The following ABCE1 variants were observed in gnomAD, a reference collection of about 807,000 sequenced individuals.
ABCE1 encodes ATP-binding cassette sub-family E member 1.
A neutral mutation model predicts 83.4 loss-of-function variants in ABCE1; 22 were observed. That is an observed-to-expected ratio of 0.26 (90% CI 0.19 to 0.38). ABCE1 has a LOEUF of 0.38. ABCE1 is among the 10% of genes least tolerant of loss of function. The pLI, the probability that ABCE1 is intolerant of heterozygous loss-of-function variation, is 1.00. For synonymous variants in ABCE1, 204 were observed against 233.7 expected, an observed-to-expected ratio of 0.87 and a Z score of 1.16; for missense variants, 330 against 721.9, an observed-to-expected ratio of 0.46 and a Z score of 6.22.
chr4:145,122,817 A>G lies in ABCE1; in HGVS notation c.1264-204A>G, dbSNP rs1749780018. 2.8e-5 allele frequency: 13 copies of G among 469,832 alleles called. No individual in the cohort carries two copies. In the East Asian group the frequency reaches 4.6e-4, roughly 17 times the overall value. The allele number at this position is 469,832 out of a possible 1,614,324, so 29.1% of individuals were successfully genotyped here. Reference sequence around the variant, plus strand: ...GCAAGACCCTGTCTCAAAAGAAAAAAAAAAATTCCTTTTTACTTGTTGGAC... The same window carrying G: ...GCAAGACCCTGTCTCAAAAGAAAAAGAAAAATTCCTTTTTACTTGTTGGAC... On this transcript the variant is annotated intron_variant, in intron 13 of 17. Transcript: ENST00000296577.
intron 4 of ABCE1, 67 bp downstream of exon 4, chr4:145,108,179 G>A: frequency 7.1e-7 from 1 of 1,411,412 alleles, no homozygotes; most frequent in South Asian, 1.2e-5. Flanking sequence ...GATTTTAAGA[G>A]AAGTGCAGAA....
chr4:145,105,469 G>C (rs959897084), intron 2 of ABCE1, 136 bp from the exon 3 acceptor site: 1 of 579,338 alleles, frequency 1.7e-6, no homozygotes, highest in African/African-American at 1.9e-5. Context: ...TATCTCAAAT[G>C]TATTTCTTTG....
intron 3 of ABCE1, 115 bp from the exon 4 acceptor site, chr4:145,107,900 A>G: frequency 1.3e-6 from 1 of 789,866 alleles, no homozygotes; most frequent in East Asian, 2.8e-5. Context: ...AACATTTCAC[A>G]TCTTTATGAA....
chr4:145,108,778 TGTAATTTTGTAC>T (rs1272030159), intron 4 of ABCE1, among the ~76,000 whole-genome samples: 1 of 152,198 alleles, frequency 6.6e-6, no homozygotes, highest in Non-Finnish European at 1.5e-5. Context: ...GCACCTGCTG[TGTAATTTTGTAC>T]CAAAGCATTT....
rs1429006231 is a variant in ABCE1 at position 145,128,277 on chromosome 4, T to TTCAG, written c.*708_*711dup. 3 of 152,680 alleles carry TTCAG rather than the reference T, an allele frequency of 2.0e-5. No individual in the cohort carries two copies. 9.5% of individuals were successfully genotyped at this position (152,680 alleles called of 1,614,324 possible). A position where few individuals can be genotyped will look rare whatever the true frequency, so the allele number is the denominator to read the frequency against. On this transcript the variant is annotated 3_prime_UTR_variant, in exon 18 of 18. Coordinates refer to ENST00000296577, the MANE Select transcript of ABCE1 (RefSeq NM_002940.3). ...TTTTTGCATTCCATGAGGTTCTGTA[T>TTCAG]TCAGTCATTCTCTAGGTAATGTCAT... is the stretch of plus-strand genomic sequence containing the variant.
intron 10 of ABCE1, among the ~76,000 whole-genome samples, chr4:145,119,443 T>A (rs1749684066): frequency 6.6e-6 from 1 of 151,964 alleles, no homozygotes; most frequent in Middle Eastern, 3.2e-3. Context: ...TAGCTCATAT[T>A]CAATTTCATA....
chr4:145,117,860 A>ATAAGATAGTTTAG (rs945687682), intron 10 of ABCE1, among the ~76,000 whole-genome samples: 10 of 151,812 alleles, frequency 6.6e-5, no homozygotes, highest in Admixed American at 1.3e-4. Flanking sequence ...TAAAAACCTA[A>ATAAGATAGTTTAG]TAAGATAGTT....
At chr4:145,112,474 A>C in intron 9 of ABCE1, 146 bp downstream of exon 9, 1 of 630,490 alleles carries the variant, frequency 1.6e-6, no homozygotes. Context: ...ACCTTTCTTT[A>C]CCTAGAACAG....
At position 145,121,187 on chromosome 4, in the gene ABCE1, G is replaced by T; in HGVS notation, c.1158G>T (p.Thr386=). Residue 386 remains threonine, a synonymous_variant, in exon 12 of 18, where the codon ACG becomes ACT. Coordinates refer to ENST00000296577, the MANE Select transcript of ABCE1 (RefSeq NM_002940.3). ...TTGTGTTGCCAGGAACGGGTAAAAC[G>T]ACATTTATCAGAATGCTTGCTGGAA... is the stretch of plus-strand genomic sequence containing the variant. ...VMLGENGTGK[T]TFIRMLAGRL... is the part of the protein sequence containing the mutation. 1 of 1,613,450 alleles carries T rather than the reference G, an allele frequency of 6.2e-7. No homozygotes were observed. Among genetic ancestry groups the T allele is most frequent in the Non-Finnish European group, 8.5e-7 (1 of 1,179,884 alleles).
intron 10 of ABCE1, among the ~76,000 whole-genome samples, chr4:145,119,169 C>G (rs1749678284): frequency 6.6e-6 from 1 of 151,858 alleles, no homozygotes; most frequent in Non-Finnish European, 1.5e-5. Flanking sequence ...TGATGTGTCT[C>G]TCAGTTCCAA....
chr4:145,126,326 ACTCT>A (rs1199953381), intron 17 of ABCE1, among the ~76,000 whole-genome samples: 2 of 151,920 alleles, frequency 1.3e-5, no homozygotes, highest in East Asian at 3.9e-4. Context: ...GCAGAGTCTC[ACTCT>A]CTCACCTAGG....
Position 145,123,002 on chromosome 4 carries a change from T to C in ABCE1, c.1264-19T>C. 6.7e-7 allele frequency: 1 copy of C among 1,484,166 alleles called. No homozygotes were observed. The highest frequency in any genetic ancestry group is 9.2e-7 in the Non-Finnish European group (1 of 1,092,084). The allele number at this position is 1,484,166 out of a possible 1,614,324, so 91.9% of individuals were successfully genotyped here. On this transcript the variant is annotated intron_variant, in intron 13 of 17. Coordinates refer to ENST00000296577, the MANE Select transcript of ABCE1 (RefSeq NM_002940.3). ...TAGTGAAAGTTTATCATTTAAATACTTTTTTATATTAAAAACAGGGAAGTG... is the reference window on the plus strand; with the variant it reads ...TAGTGAAAGTTTATCATTTAAATACCTTTTTATATTAAAAACAGGGAAGTG...
At chr4:145,112,004 C>G (rs112977261) in intron 8 of ABCE1, among the ~76,000 whole-genome samples, 12 of 152,252 alleles carry the variant, frequency 7.9e-5, no homozygotes, top group Non-Finnish European at 1.2e-4. Context: ...TTAGCCTAAC[C>G]TGGTAGACCC....
chr4:145,121,703 C>T, intron 13 of ABCE1: 1 of 237,430 alleles, frequency 4.2e-6, no homozygotes, highest in Non-Finnish European at 8.4e-6. Context: ...GAAACCCTGT[C>T]TCTACTAAAA....
At position 145,108,105 on chromosome 4, in the gene ABCE1, C is replaced by T; in HGVS notation, c.280C>T (p.Leu94Phe). 1 of 1,612,242 alleles carries T rather than the reference C, an allele frequency of 6.2e-7. No homozygotes were observed. The change falls in exon 4 of 18, where the codon CTT (leucine) becomes TTT (phenylalanine). Residue 94 changes from leucine to phenylalanine, a missense_variant. Transcript: ENST00000296577. ...THRYCANAFK[L>F]HRLPIPRPGE... Reference sequence around the variant, plus strand: ...TCGATATTGTGCCAATGCCTTCAAACTTCACAGGTATATTTTCACATCAGG... The same window carrying T: ...TCGATATTGTGCCAATGCCTTCAAATTTCACAGGTATATTTTCACATCAGG...
chr4:145,123,788 G>A (rs538909504), intron 16 of ABCE1, 188 bp downstream of exon 16: 36 of 439,206 alleles, frequency 8.2e-5, no homozygotes, highest in African/African-American at 6.6e-4. Flanking sequence ...GCTTCAGTGT[G>A]GAATCCCTCA....
chr4:145,107,895 T>G, intron 3 of ABCE1, 120 bp from the exon 4 acceptor site: 1 of 767,700 alleles, frequency 1.3e-6, no homozygotes, highest in Non-Finnish European at 2.0e-6. Flanking sequence ...GAAACAACAT[T>G]TCACATCTTT....
At chr4:145,105,763 T>C in intron 3 of ABCE1, 73 bp downstream of exon 3, 1 of 1,050,582 alleles carries the variant, frequency 9.5e-7, no homozygotes, top group Admixed American at 2.1e-5. Flanking sequence ...GATACTATGC[T>C]ATAACTACTT....
chr4:145,119,604 C>A (rs1477762597), intron 10 of ABCE1, among the ~76,000 whole-genome samples: 1 of 151,700 alleles, frequency 6.6e-6, no homozygotes, highest in Non-Finnish European at 1.5e-5. Context: ...TCTGAAAATA[C>A]TCTTACATAT....
Sources: gnomAD v4.1 joint callset for allele counts (sites outside exome capture counted in the v4.1 genomes callset) on GRCh38, gnomAD v4.1.1 for gene constraint, MANE v1.5 for transcripts, NCBI Gene and HGNC (gene_info 2026-07-23, HGNC 2026-07-21) for gene names.